The following LHFPL3 variants were observed in gnomAD, a reference collection of about 807,000 sequenced individuals.
LHFPL3 encodes LHFPL tetraspan subfamily member 3 protein.
Under a neutral mutation model 19.3 loss-of-function variants are expected in LHFPL3, and 5 were observed. The observed-to-expected ratio is 0.26, with a 90% CI of 0.14 to 0.54. The LOEUF (loss-of-function observed/expected upper bound fraction) is 0.54, where lower values mean the gene tolerates loss of function less well. Ranked by LOEUF, LHFPL3 falls within the 20% of genes least tolerant of loss-of-function variation. LHFPL3 has a pLI of 0.94. For missense variants in LHFPL3, 249 were observed against 307.4 expected (o/e 0.81, Z 1.42); for synonymous variants, 133 against 126.2 (o/e 1.05, Z -0.36).
At chr7:104,785,503 C>T (rs1291249697) in intron 2 of LHFPL3, 1 of 152,214 alleles carries the variant, frequency 6.6e-6, no homozygotes, top group African/African-American at 2.4e-5. Context: ...CTGACTGTCC[C>T]ATAGGTCCCT....
intron 1 of LHFPL3, among the ~76,000 whole-genome samples, chr7:104,719,391 A>G (rs1035322710): frequency 6.6e-6 from 1 of 152,184 alleles, no homozygotes; most frequent in East Asian, 1.9e-4. Flanking sequence ...CAAGCCAAAA[A>G]AGGGGGATGA....
chr7:104,688,440 C>T (rs1226545902), intron 1 of LHFPL3, among the ~76,000 whole-genome samples: 2 of 152,010 alleles, frequency 1.3e-5, no homozygotes, highest in Non-Finnish European at 2.9e-5. Flanking sequence ...AAAGTGAGGG[C>T]GTTGATTGGA....
At chr7:104,481,958 C>T (rs1793144910) in intron 1 of LHFPL3, among the ~76,000 whole-genome samples, 1 of 152,160 alleles carries the variant, frequency 6.6e-6, no homozygotes, top group African/African-American at 2.4e-5. Flanking sequence ...TCTAATTCCC[C>T]CTTCCACTCC....
At chr7:104,486,447 C>G (rs1174654001) in intron 1 of LHFPL3, among the ~76,000 whole-genome samples, 1 of 152,206 alleles carries the variant, frequency 6.6e-6, no homozygotes, top group Non-Finnish European at 1.5e-5. Context: ...GGATCAGACA[C>G]TGGCAGATTC....
intron 1 of LHFPL3, among the ~76,000 whole-genome samples, chr7:104,593,778 C>A (rs558925571): frequency 2.0e-5 from 3 of 152,154 alleles, no homozygotes; most frequent in Non-Finnish European, 4.4e-5. Flanking sequence ...GAATTGATCC[C>A]TTTACTATTA....
At chr7:104,723,309 T>A (rs941515673) in intron 1 of LHFPL3, among the ~76,000 whole-genome samples, 1 of 152,184 alleles carries the variant, frequency 6.6e-6, no homozygotes, top group Non-Finnish European at 1.5e-5. Flanking sequence ...ATCGGTGATA[T>A]CCTCACAAAG....
At chr7:104,571,912 C>A (rs550632232) in intron 1 of LHFPL3, among the ~76,000 whole-genome samples, 15 of 152,296 alleles carry the variant, frequency 9.8e-5, no homozygotes, top group African/African-American at 3.6e-4. Context: ...TGTAAACACA[C>A]ACACACTTTT....
intron 2 of LHFPL3, among the ~76,000 whole-genome samples, chr7:104,792,819 T>C (rs573024407): frequency 6.6e-6 from 1 of 152,184 alleles, no homozygotes; most frequent in Admixed American, 6.5e-5. Flanking sequence ...CAAAGAAGGA[T>C]GTGTGACCAA....
intron 1 of LHFPL3, among the ~76,000 whole-genome samples, chr7:104,535,509 T>C (rs1794374572): frequency 6.6e-6 from 1 of 152,228 alleles, no homozygotes; most frequent in Non-Finnish European, 1.5e-5. Context: ...CAATAAATCC[T>C]TGATAACTCA....
chr7:104,740,211 T>C (rs1793907700), intron 2 of LHFPL3, among the ~76,000 whole-genome samples: 2 of 152,190 alleles, frequency 1.3e-5, no homozygotes, highest in African/African-American at 4.8e-5. Context: ...TGTGAGTCAA[T>C]TAAACCTCTT....
intron 1 of LHFPL3, among the ~76,000 whole-genome samples, chr7:104,371,254 AAATT>A (rs1449538188): frequency 2.0e-5 from 3 of 152,222 alleles, no homozygotes; most frequent in African/African-American, 7.2e-5. Context: ...TAATTAAAAA[AAATT>A]AATCTTGTCT....
intron 1 of LHFPL3, among the ~76,000 whole-genome samples, chr7:104,630,519 A>G (rs1196933474): frequency 6.6e-6 from 1 of 152,210 alleles, no homozygotes; most frequent in East Asian, 1.9e-4. Flanking sequence ...CATAGAGACC[A>G]TTGACAGGAG....
At chr7:104,880,976 C>T (rs1160656929) in intron 2 of LHFPL3, among the ~76,000 whole-genome samples, 1 of 152,068 alleles carries the variant, frequency 6.6e-6, no homozygotes, top group Non-Finnish European at 1.5e-5. Context: ...CAAGACCTTC[C>T]TGGCTAACAC....
At chr7:104,647,279 C>T (rs1303194777) in intron 1 of LHFPL3, among the ~76,000 whole-genome samples, 1 of 152,214 alleles carries the variant, frequency 6.6e-6, no homozygotes, top group African/African-American at 2.4e-5. Flanking sequence ...TGCACCACCC[C>T]AAATAAACTA....
chr7:104,588,913 C>CTGTT (rs145708279), intron 1 of LHFPL3, among the ~76,000 whole-genome samples: 148,298 of 152,154 alleles, frequency 0.97, 72,361 homozygotes, highest in East Asian at 1. Flanking sequence ...ATTTGGCTCT[C>CTGTT]TGTCTGTTAT....
intron 1 of LHFPL3, among the ~76,000 whole-genome samples, chr7:104,510,448 G>A (rs933762467): frequency 4.6e-5 from 7 of 152,056 alleles, no homozygotes; most frequent in Non-Finnish European, 1.0e-4. Flanking sequence ...TTTAACGGAT[G>A]GGCTTTTCAA....
At chr7:104,521,152 T>C (rs1225956419) in intron 1 of LHFPL3, among the ~76,000 whole-genome samples, 1 of 152,206 alleles carries the variant, frequency 6.6e-6, no homozygotes, top group Non-Finnish European at 1.5e-5. Flanking sequence ...GTTGTGTCTT[T>C]GTTCTCGTTG....
chr7:104,386,525 G>A (rs918836496), intron 1 of LHFPL3, among the ~76,000 whole-genome samples: 2 of 152,200 alleles, frequency 1.3e-5, no homozygotes, highest in African/African-American at 2.4e-5. Context: ...GCTCTAGAAA[G>A]TCACGTGTGT....
intron 1 of LHFPL3, among the ~76,000 whole-genome samples, chr7:104,349,323 T>A (rs1282886516): frequency 1.3e-5 from 2 of 152,246 alleles, no homozygotes; most frequent in Non-Finnish European, 2.9e-5. Flanking sequence ...TCCACTGTTG[T>A]GAAGTTTCTT....
Sources: gnomAD v4.1 joint callset for allele counts (sites outside exome capture counted in the v4.1 genomes callset) on GRCh38, gnomAD v4.1.1 for gene constraint, MANE v1.5 for transcripts, NCBI Gene and HGNC (gene_info 2026-07-23, HGNC 2026-07-21) for gene names.